Variants in CRB1 observed in about 807,000 individuals in gnomAD.
CRB1 encodes the protein crumbs cell polarity complex component 1.
CRB1 carries 83 observed loss-of-function variants against 120.0 expected under a neutral mutation model. The ratio of observed to expected loss-of-function variants is 0.69; its 90% CI spans 0.58 to 0.83. The LOEUF is 0.83. CRB1 is among the 40% of genes least tolerant of loss of function. The pLI, the probability that CRB1 is intolerant of heterozygous loss-of-function variation, is 0.00. For missense variants in CRB1, 1,699 were observed against 1,687.6 expected (o/e 1.01, Z -0.12); for synonymous variants, 625 against 612.5 (o/e 1.02, Z -0.30).
At position 197,397,178 on chromosome 1, in the gene CRB1, T is replaced by C. The variant is rs559591969; in HGVS notation, c.1172-23822T>C. Among the ~76,000 whole-genome samples, 7 of 152,214 alleles carry C rather than the reference T, an allele frequency of 4.6e-5. No individual in the cohort carries two copies. In the East Asian group the frequency reaches 1.2e-3, roughly 25 times the overall value. On this transcript the variant is annotated intron_variant, in intron 5 of 11. Transcript: ENST00000367400. ...GATAGCAAATAAGCACATGAAAAGATACTCAATATCAATAACATGTCCATT... is the reference window on the plus strand; with the variant it reads ...GATAGCAAATAAGCACATGAAAAGACACTCAATATCAATAACATGTCCATT...
chr1:197,386,675 GCTC>G (rs1326030798), intron 5 of CRB1, among the ~76,000 whole-genome samples: 1 of 152,112 alleles, frequency 6.6e-6, no homozygotes, highest in Non-Finnish European at 1.5e-5. Context: ...GCCATCACGT[GCTC>G]CTCTTTAACT....
chr1:197,225,225 T>G, the CRB1 span, among the ~76,000 whole-genome samples: 7 of 152,266 alleles, frequency 4.6e-5, no homozygotes, highest in African/African-American at 1.4e-4. Flanking sequence ...ACAGCTATGT[T>G]AACCTTGTTG....
intron 5 of CRB1, among the ~76,000 whole-genome samples, chr1:197,408,612 C>A (rs1443521615): frequency 2.6e-5 from 4 of 152,142 alleles, no homozygotes; most frequent in Non-Finnish European, 5.9e-5. Flanking sequence ...CTTACCATGG[C>A]AGAGAGAAAG....
chr1:197,255,996 T>TATATATATATATGC, the CRB1 span, among the ~76,000 whole-genome samples: 1 of 116,712 alleles, frequency 8.6e-6, no homozygotes, highest in East Asian at 3.9e-4. Flanking sequence ...TATATATATA[T>TATATATATATATGC]ACACTACAAT....
At chr1:197,398,329 C>T (rs987945366) in intron 5 of CRB1, among the ~76,000 whole-genome samples, 17 of 152,048 alleles carry the variant, frequency 1.1e-4, no homozygotes, top group Admixed American at 2.0e-4. Context: ...ACTTATGACT[C>T]GTTTGTTTTA....
chr1:197,427,725 C>T lies in CRB1; in HGVS notation c.2400C>T (p.Ile800=). 1 of 1,613,882 alleles carries T rather than the reference C, an allele frequency of 6.2e-7. No individual in the cohort carries two copies. Among genetic ancestry groups the T allele is most frequent in the Non-Finnish European group, 8.5e-7 (1 of 1,179,930 alleles). Residue 800 remains isoleucine, a synonymous_variant, in exon 7 of 12, where the codon ATC becomes ATT. Coordinates refer to ENST00000367400, the MANE Select transcript of CRB1 (RefSeq NM_201253.3). Reference sequence around the variant, plus strand: ...ATGTCCACTTGATATCTTTGAAAATCAAGCCATATAAAATTGAACTGTATC... The same window carrying T: ...ATGTCCACTTGATATCTTTGAAAATTAAGCCATATAAAATTGAACTGTATC... ...DGNVHLISLK[I]KPYKIELYQS...
chr1:197,461,416 C>T (rs1322016087), intron 11 of CRB1, among the ~76,000 whole-genome samples: 1 of 152,042 alleles, frequency 6.6e-6, no homozygotes, highest in Non-Finnish European at 1.5e-5. Flanking sequence ...TAAAGAGGCA[C>T]TCTGGGATGG....
intron 5 of CRB1, among the ~76,000 whole-genome samples, chr1:197,380,663 C>T (rs1185061418): frequency 6.6e-6 from 1 of 152,150 alleles, no homozygotes; most frequent in African/African-American, 2.4e-5. Context: ...TAACTTCAAT[C>T]ATAGTTAAAT....
intron 11 of CRB1, among the ~76,000 whole-genome samples, chr1:197,454,079 G>T (rs1415805668): frequency 2.7e-5 from 4 of 150,336 alleles, no homozygotes; most frequent in African/African-American, 9.8e-5. Context: ...TCCTGCCCTG[G>T]CCTCCCAAAG....
the CRB1 span, among the ~76,000 whole-genome samples, chr1:197,241,010 G>A: frequency 0.06 from 9,088 of 152,192 alleles, 922 homozygotes; most frequent in African/African-American, 0.21. Flanking sequence ...TTTGAGAAGT[G>A]CCTGTTCATA....
the CRB1 span, among the ~76,000 whole-genome samples, chr1:197,204,549 C>T: frequency 6.6e-6 from 1 of 152,050 alleles, no homozygotes; most frequent in African/African-American, 2.4e-5. Flanking sequence ...AGCATTTTTT[C>T]ATATGTTTGT....
chr1:197,428,388 T>C (rs1168997727), intron 7 of CRB1, among the ~76,000 whole-genome samples: 1 of 152,238 alleles, frequency 6.6e-6, no homozygotes, highest in Non-Finnish European at 1.5e-5. Flanking sequence ...CCAACTACTA[T>C]TGTTTTGAAC....
At chr1:197,449,136 T>A (rs1368053790) in intron 11 of CRB1, among the ~76,000 whole-genome samples, 1 of 152,200 alleles carries the variant, frequency 6.6e-6, no homozygotes, top group Non-Finnish European at 1.5e-5. Context: ...TTCCCTTAGT[T>A]GTAACATCAT....
At chr1:197,289,645 A>G (rs922933446) in intron 1 of CRB1, among the ~76,000 whole-genome samples, 3 of 151,834 alleles carry the variant, frequency 2.0e-5, no homozygotes, top group South Asian at 4.1e-4. Context: ...TTAGATGAAT[A>G]TCAGAACCTT....
At chr1:197,249,883 C>G in the CRB1 span, among the ~76,000 whole-genome samples, 1 of 151,952 alleles carries the variant, frequency 6.6e-6, no homozygotes, top group Non-Finnish European at 1.5e-5. Flanking sequence ...AATTTTGAAA[C>G]TAAGGAATAG....
intron 4 of CRB1, among the ~76,000 whole-genome samples, chr1:197,355,822 A>G (rs1253539335): frequency 6.6e-6 from 1 of 152,204 alleles, no homozygotes; most frequent in Non-Finnish European, 1.5e-5. Flanking sequence ...ATTCTCGGCC[A>G]GCCCATAGAG....
At chr1:197,318,212 T>C (rs540122458) in intron 1 of CRB1, among the ~76,000 whole-genome samples, 1 of 152,166 alleles carries the variant, frequency 6.6e-6, no homozygotes, top group South Asian at 2.1e-4. Context: ...AAAGAAGATA[T>C]ACAAATGGCC....
chr1:197,473,328 T>C (rs1667060138), intron 11 of CRB1, among the ~76,000 whole-genome samples: 1 of 152,204 alleles, frequency 6.6e-6, no homozygotes, highest in Admixed American at 6.5e-5. Context: ...CCTATGGTGC[T>C]AGCACATTCC....
chr1:197,271,372 C>G (rs1347642895), intron 1 of CRB1, among the ~76,000 whole-genome samples: 1 of 152,102 alleles, frequency 6.6e-6, no homozygotes, highest in Non-Finnish European at 1.5e-5. Flanking sequence ...GCTCAGCTAC[C>G]AGGGGAACGC....
Sources: allele counts gnomAD v4.1 joint callset (sites outside exome capture counted in the v4.1 genomes callset), GRCh38; gene constraint gnomAD v4.1.1; transcripts MANE v1.5; gene names NCBI Gene and HGNC (gene_info 2026-07-23, HGNC 2026-07-21).